The following SAMD4B variants were observed in gnomAD, a reference collection of about 807,000 sequenced individuals.
The protein encoded by SAMD4B is protein Smaug homolog 2.
A neutral mutation model predicts 74.5 loss-of-function variants in SAMD4B; 5 were observed. That is an observed-to-expected ratio of 0.07 (90% confidence interval 0.04 to 0.14). SAMD4B has a LOEUF of 0.14. Among genes scored for constraint, SAMD4B ranks in the 10% least tolerant of loss-of-function variants. SAMD4B has a pLI of 1.00. For synonymous variants in SAMD4B, 373 were observed against 374.9 expected, an observed-to-expected ratio of 1.00 and a Z score of 0.06; for missense variants, 608 against 921.8, an observed-to-expected ratio of 0.66 and a Z score of 4.41.
At chr19:39,371,694 A>G (rs748618701) in intron 4 of SAMD4B, among the ~76,000 whole-genome samples, 12 of 151,954 alleles carry the variant, frequency 7.9e-5, no homozygotes, top group Non-Finnish European at 1.6e-4. Context: ...GTGCATGCCT[A>G]TAATTCCAGT....
rs752604312 is a variant in SAMD4B at position 39,380,992 on chromosome 19, C to A, written c.1851C>A (p.Asn617Lys). 5 of 1,607,966 alleles carry A rather than the reference C, an allele frequency of 3.1e-6. No individual in the cohort carries two copies. The South Asian group carries it at 5.6e-5, about 18-fold the overall frequency. Residue 617 changes from asparagine to lysine, a missense_variant and splice_region_variant, in exon 12 of 14, where the codon AAC becomes AAA. Around this residue, in one of 9 missense-constraint regions of SAMD4B, gnomAD observed 167 missense variants for 193.0 expected, o/e 0.87. Coordinates refer to ENST00000610417, the MANE Select transcript of SAMD4B (RefSeq NM_001384574.2). ...SPSLGGQGRQNLWFANPGGSN... is the reference protein window; with the variant it reads ...SPSLGGQGRQKLWFANPGGSN... Reference sequence around the variant, plus strand: ...CTCTCTTCCTGGGACCTGTGTAGAACCTGTGGTTTGCCAACCCTGGAGGCA... The same window carrying A: ...CTCTCTTCCTGGGACCTGTGTAGAAACTGTGGTTTGCCAACCCTGGAGGCA...
chr19:39,369,761 C>T lies in SAMD4B; in HGVS notation c.303C>T (p.Tyr101=). ...QPGNTEAKSE[Y]MRLLQKVLAY... ...GCAACACAGAGGCCAAGTCGGAGTA[C>T]ATGAGGCTACTGCAGAAAGTGCTGG... The change falls in exon 4 of 14, where the codon TAC becomes TAT. Residue 101 remains tyrosine, a synonymous_variant. Coordinates refer to ENST00000610417, the MANE Select transcript of SAMD4B (RefSeq NM_001384574.2). The T allele has an allele frequency of 6.2e-7, 1 of 1,614,240 alleles. No individual in the cohort carries two copies. The highest frequency in any genetic ancestry group is 8.5e-7 in the Non-Finnish European group (1 of 1,180,036).
At chr19:39,380,111 C>A in intron 10 of SAMD4B, 27 bp downstream of exon 10, 2 of 1,569,078 alleles carry the variant, frequency 1.3e-6, no homozygotes, top group Non-Finnish European at 1.8e-6. Context: ...GTTACAGGGA[C>A]CTGCCCTCCA....
chr19:39,375,991 G>GGGTAAGC lies in SAMD4B; in HGVS notation c.907+102_907+103insGGTAAGC. On this transcript the variant is annotated intron_variant, in intron 5 of 13. Transcript: ENST00000610417. This position sits in a 1 kb window ranked among gnomAD's most constrained non-coding sequence, Gnocchi z 4.1. Reference sequence around the variant, plus strand: ...GCTGACACCTGCTTACCCCTCTGAGGAGGGGACATGTCTGAGGGGAGTAGA... The same window carrying GGGTAAGC: ...GCTGACACCTGCTTACCCCTCTGAGGGGTAAGCAGGGGACATGTCTGAGGGGAGTAGA... The GGGTAAGC allele has an allele frequency of 6.8e-7, 1 of 1,462,844 alleles. No individual in the cohort carries two copies. Among genetic ancestry groups the GGGTAAGC allele is most frequent in the Non-Finnish European group, 9.2e-7 (1 of 1,087,226 alleles). The allele number at this position is 1,462,844 out of a possible 1,614,324, so 90.6% of individuals were successfully genotyped here. A position where few individuals can be genotyped will look rare whatever the true frequency, so the allele number is the denominator to read the frequency against.
In SAMD4B at chr19:39,375,656, CCTG is replaced by C. The variant is rs756712234; in HGVS notation, c.676_678del (p.Cys226del). 18 of 1,601,524 alleles carry C rather than the reference CCTG, an allele frequency of 1.1e-5. No homozygotes were observed. Among genetic ancestry groups the C allele is most frequent in the Non-Finnish European group, 1.4e-5 (16 of 1,169,466 alleles). On this transcript the variant is annotated inframe_deletion, in exon 5 of 14. Coordinates refer to ENST00000610417, the MANE Select transcript of SAMD4B (RefSeq NM_001384574.2). The surrounding 1 kb of genome is among the most constrained non-coding windows in gnomAD (Gnocchi z 4.1). ...TTTCTCCCACTCTGGCCAGGTCTCCCCTGCCAAATCCACCCTAGCCCACTGAAG... is the reference window on the plus strand; with the variant it reads ...TTTCTCCCACTCTGGCCAGGTCTCCCCCAAATCCACCCTAGCCCACTGAAG...
chr19:39,359,693 G>A (rs2076537651), intron 3 of SAMD4B, among the ~76,000 whole-genome samples: 1 of 152,146 alleles, frequency 6.6e-6, no homozygotes, highest in Non-Finnish European at 1.5e-5. Context: ...GACTTGCTGT[G>A]GGTCACACAA....
At position 39,365,056 on chromosome 19, in the gene SAMD4B, G is replaced by A. The variant is rs569283114; in HGVS notation, c.197-4599G>A. ...AGATCGAGACCATCCTGGCTAACAC[G>A]GTGAAACCCCATCTCTACTAAAAAT... On this transcript the variant is annotated intron_variant, in intron 3 of 13. Coordinates refer to ENST00000610417, the MANE Select transcript of SAMD4B (RefSeq NM_001384574.2). 7.9e-5 allele frequency among the ~76,000 whole-genome samples: 12 copies of A among 151,118 alleles called. No individual in the cohort carries two copies. In the South Asian group the frequency reaches 2.3e-3, roughly 29 times the overall value.
chr19:39,386,493 GCTT>G, downstream of SAMD4B: 2 of 1,614,116 alleles, frequency 1.2e-6, no homozygotes, highest in South Asian at 2.2e-5. The surrounding 1 kb of genome is among the most constrained non-coding windows in gnomAD (Gnocchi z 6.1). Flanking sequence ...TGAGCCCCCA[GCTT>G]CTTTCTCTTC....
At chr19:39,362,449 T>G (rs1324739343) in intron 3 of SAMD4B, among the ~76,000 whole-genome samples, 1 of 152,122 alleles carries the variant, frequency 6.6e-6, no homozygotes, top group Non-Finnish European at 1.5e-5. Context: ...AGGGAAGTCC[T>G]CCAGCACAGG....
At chr19:39,385,780 A>G, downstream of SAMD4B, 1 of 681,404 alleles carries the variant, frequency 1.5e-6, no homozygotes, top group Non-Finnish European at 2.4e-6. Context: ...TCAAGCCAAG[A>G]TCCTTGAGCA....
chr19:39,383,185 C>G lies in SAMD4B; in HGVS notation c.1973-23C>G. The G allele has an allele frequency of 1.2e-6, 2 of 1,607,128 alleles. No individual in the cohort carries two copies. Among genetic ancestry groups the G allele is most frequent in the Non-Finnish European group, 1.7e-6 (2 of 1,173,616 alleles). On this transcript the variant is annotated intron_variant, in intron 12 of 13. Coordinates refer to ENST00000610417, the MANE Select transcript of SAMD4B (RefSeq NM_001384574.2). The surrounding 1 kb of genome is among the most constrained non-coding windows in gnomAD (Gnocchi z 4.1). Reference sequence around the variant, plus strand: ...TGAGTCCAGTTGGTCCTTACCACCCCCATTCTCCTCTCTCCCACCCAGACT... The same window carrying G: ...TGAGTCCAGTTGGTCCTTACCACCCGCATTCTCCTCTCTCCCACCCAGACT...
At chr19:39,365,771 A>T (rs936972818) in intron 3 of SAMD4B, among the ~76,000 whole-genome samples, 2 of 152,226 alleles carry the variant, frequency 1.3e-5, no homozygotes, top group Non-Finnish European at 2.9e-5. Flanking sequence ...AGTATCCTTC[A>T]TTCTGAATGA....
In SAMD4B at chr19:39,375,510, C is replaced by T; in HGVS notation, c.668-140C>T. ...AAGAGAATGAGGTATATCTGGTAGG[C>T]AGTTACCCTTGGACCCCAGGTCCCT... is the stretch of plus-strand genomic sequence containing the variant. On this transcript the variant is annotated intron_variant, in intron 4 of 13. Transcript: ENST00000610417. The surrounding 1 kb of genome is among the most constrained non-coding windows in gnomAD (Gnocchi z 4.1). The T allele has an allele frequency of 9.7e-7, 1 of 1,031,298 alleles. No homozygotes were observed. The highest frequency in any genetic ancestry group is 1.4e-6 in the Non-Finnish European group (1 of 697,358). 63.9% of individuals were successfully genotyped at this position (1,031,298 alleles called of 1,614,324 possible).
At chr19:39,389,153 G>A, downstream of SAMD4B, 2 of 1,614,100 alleles carry the variant, frequency 1.2e-6, no homozygotes, top group Middle Eastern at 1.6e-4. This position sits in a 1 kb window ranked among gnomAD's most constrained non-coding sequence, Gnocchi z 5.3. Flanking sequence ...CCCTGTCTTT[G>A]TATATTTCTT....
At chr19:39,377,976 G>T in intron 8 of SAMD4B, 152 bp downstream of exon 8, 1 of 779,192 alleles carries the variant, frequency 1.3e-6, no homozygotes. Flanking sequence ...AAGACAGGGT[G>T]ACAAGGCCCC....
chr19:39,377,571 C>T lies in SAMD4B; in HGVS notation c.1191C>T (p.Leu397=), dbSNP rs2077677413. Residue 397 remains leucine (L), a synonymous_variant, in exon 8 of 14, where the codon CTC becomes CTT. Transcript: ENST00000610417. ...IITPIKAYSV[L]QATVAAATTT... ...CTCCCATCAAGGCCTACAGTGTCCT[C>T]CAGGCCACCGTGGCTGCCGCCACCA... The T allele has an allele frequency of 6.2e-7, 1 of 1,613,694 alleles. No individual in the cohort carries two copies. Among genetic ancestry groups the T allele is most frequent in the Admixed American group, 1.7e-5 (1 of 59,978 alleles).
At chr19:39,351,545 A>G (rs1311962147) in intron 1 of SAMD4B, 2 of 152,188 alleles carry the variant, frequency 1.3e-5, no homozygotes, top group Non-Finnish European at 2.9e-5. Context: ...CTGAAACCCA[A>G]CTCAAACTGG....
At position 39,365,844 on chromosome 19, in the gene SAMD4B, A is replaced by G. The variant is rs149980950; in HGVS notation, c.197-3811A>G. Among the ~76,000 whole-genome samples, 343 of 152,350 alleles carry G rather than the reference A, an allele frequency of 2.3e-3. 2 individuals are homozygous for G. The highest frequency in any genetic ancestry group is 3.9e-3 in the Non-Finnish European group (265 of 68,038). Reference sequence around the variant, plus strand: ...CAGCAATAGTGGTATTGGTTCTACTATTAATTTTAACCAATGCTGTAGACA... The same window carrying G: ...CAGCAATAGTGGTATTGGTTCTACTGTTAATTTTAACCAATGCTGTAGACA... On this transcript the variant is annotated intron_variant, in intron 3 of 13. Coordinates refer to ENST00000610417, the MANE Select transcript of SAMD4B (RefSeq NM_001384574.2).
chr19:39,367,912 G>A (rs1206741405), intron 3 of SAMD4B, among the ~76,000 whole-genome samples: 1 of 151,808 alleles, frequency 6.6e-6, no homozygotes, highest in Admixed American at 6.6e-5. Context: ...CCTCCCTTGT[G>A]GGTTGAAAGG....
Sources: gnomAD v4.1 joint callset for allele counts (sites outside exome capture counted in the v4.1 genomes callset) on GRCh38, gnomAD v4.1.1 for gene constraint, gnomAD v4.1.1 regional missense constraint, Gnocchi (gnomAD v3.1) non-coding constraint, MANE v1.5 for transcripts, NCBI Gene and HGNC (gene_info 2026-07-23, HGNC 2026-07-21) for gene names.